PHLPP1: variants seen among roughly 807,000 people sequenced by gnomAD.
PHLPP1 encodes PH domain leucine-rich repeat-containing protein phosphatase 1.
A neutral mutation model predicts 117.2 loss-of-function variants in PHLPP1; 42 were observed. The observed-to-expected ratio is 0.36, with a 90% CI of 0.28 to 0.46. PHLPP1 has a LOEUF of 0.46. Among genes scored for constraint, PHLPP1 ranks in the 20% least tolerant of loss-of-function variants. The pLI, the probability that PHLPP1 is intolerant of heterozygous loss-of-function variation, is 1.00. For synonymous variants in PHLPP1, 1,042 were observed against 970.7 expected (o/e 1.07, Z -1.37); for missense variants, 2,084 against 2,241.9 (o/e 0.93, Z 1.42).
intron 1 of PHLPP1, among the ~76,000 whole-genome samples, chr18:62,764,594 A>G (rs889545651): frequency 3.3e-5 from 5 of 151,916 alleles, no homozygotes; most frequent in Admixed American, 6.6e-5. Flanking sequence ...TCTACTAAAA[A>G]TACAAAAATT....
chr18:62,842,141 T>TG (rs1407818600), intron 3 of PHLPP1, among the ~76,000 whole-genome samples: 1 of 152,232 alleles, frequency 6.6e-6, no homozygotes, highest in East Asian at 1.9e-4. Flanking sequence ...AATTTTATGA[T>TG]GGTCATCCTT....
chr18:62,757,791 C>T (rs375839682), intron 1 of PHLPP1, among the ~76,000 whole-genome samples: 18 of 152,320 alleles, frequency 1.2e-4, no homozygotes, highest in East Asian at 5.8e-4. Context: ...GCTCTTTTTG[C>T]GGCTTGCTCT....
chr18:62,754,418 C>T (rs1911949656), intron 1 of PHLPP1, among the ~76,000 whole-genome samples: 1 of 152,176 alleles, frequency 6.6e-6, no homozygotes, highest in Non-Finnish European at 1.5e-5. Context: ...TTTTTTTCCC[C>T]TCCCAAACTG....
At chr18:62,882,630 C>T (rs1916197583) in intron 4 of PHLPP1, among the ~76,000 whole-genome samples, 2 of 152,094 alleles carry the variant, frequency 1.3e-5, no homozygotes, top group African/African-American at 4.8e-5. Flanking sequence ...TGATACACTT[C>T]CCAAGATTAT....
intron 4 of PHLPP1, among the ~76,000 whole-genome samples, chr18:62,879,256 C>T (rs1370991450): frequency 1.3e-5 from 2 of 152,220 alleles, no homozygotes; most frequent in East Asian, 3.8e-4. Flanking sequence ...TGTGAGTTTG[C>T]TCTCTTGCTC....
chr18:62,771,501 C>T (rs1306624100), intron 1 of PHLPP1, among the ~76,000 whole-genome samples: 1 of 152,132 alleles, frequency 6.6e-6, no homozygotes, highest in Non-Finnish European at 1.5e-5. Flanking sequence ...TGAACAATGG[C>T]AGGTTTTTAG....
chr18:62,825,150 G>T (rs1294407631), intron 1 of PHLPP1, among the ~76,000 whole-genome samples: 1 of 151,648 alleles, frequency 6.6e-6, no homozygotes, highest in African/African-American at 2.4e-5. Flanking sequence ...GTAGAGACGG[G>T]GTTTCGCCAT....
At chr18:62,784,008 A>T (rs186525238) in intron 1 of PHLPP1, among the ~76,000 whole-genome samples, 3 of 151,588 alleles carry the variant, frequency 2.0e-5, no homozygotes, top group African/African-American at 4.8e-5. Flanking sequence ...TACAGCTCAG[A>T]GCACTTGTAA....
chr18:62,864,303 T>C (rs537017570), intron 4 of PHLPP1, among the ~76,000 whole-genome samples: 1 of 152,350 alleles, frequency 6.6e-6, no homozygotes, highest in South Asian at 2.1e-4. Flanking sequence ...ATTACAGACG[T>C]GAGCTACTGC....
At position 62,905,733 on chromosome 18, in the gene PHLPP1, C is replaced by T. The variant is rs118048185; in HGVS notation, c.2708+449C>T. On this transcript the variant is annotated intron_variant, in intron 8 of 16. Coordinates refer to ENST00000262719, the MANE Select transcript of PHLPP1 (RefSeq NM_194449.4). ...CCCCTTGTTTAGACATATATCTCTTCGCTAAAAATTCTTAGGAAATAATGA... is the reference window on the plus strand; with the variant it reads ...CCCCTTGTTTAGACATATATCTCTTTGCTAAAAATTCTTAGGAAATAATGA... 2.0e-3 allele frequency among the ~76,000 whole-genome samples: 307 copies of T among 152,172 alleles called. 4 individuals are homozygous for T. The highest frequency in any genetic ancestry group is 2.3e-3 in the Non-Finnish European group (157 of 67,988).
At chr18:62,808,565 T>TTTTTTTTTTTTTTA (rs747889895) in intron 1 of PHLPP1, among the ~76,000 whole-genome samples, 3 of 150,916 alleles carry the variant, frequency 2.0e-5, no homozygotes, top group South Asian at 2.1e-4. Flanking sequence ...TTGTTTTTTT[T>TTTTTTTTTTTTTTA]TTTTGAGACG....
rs767341458 is a variant in PHLPP1 at position 62,975,379 on chromosome 18, C to T, written c.3756-18C>T. The T allele has an allele frequency of 7.6e-6, 12 of 1,573,562 alleles. No homozygotes were observed. Among genetic ancestry groups the T allele is most frequent in the African/African-American group, 5.4e-5 (4 of 74,134 alleles). On this transcript the variant is annotated intron_variant, in intron 15 of 16. Transcript: ENST00000262719. ...GATGGGCTGTGTTTGAGTGTCACCCCCTCTCTTCGGATTCCAGGAAACTTG... is the reference window on the plus strand; with the variant it reads ...GATGGGCTGTGTTTGAGTGTCACCCTCTCTCTTCGGATTCCAGGAAACTTG...
intron 1 of PHLPP1, among the ~76,000 whole-genome samples, chr18:62,826,716 A>T (rs1914622259): frequency 6.6e-6 from 1 of 152,142 alleles, no homozygotes; most frequent in South Asian, 2.1e-4. Flanking sequence ...CAAGATCCAG[A>T]GGCCATCCGG....
At position 62,920,028 on chromosome 18, in the gene PHLPP1, G is replaced by A. The variant is rs769810073; in HGVS notation, c.2874G>A (p.Arg958=). 1.9e-6 allele frequency: 3 copies of A among 1,612,394 alleles called. No individual in the cohort carries two copies. The highest frequency in any genetic ancestry group is 2.5e-6 in the Non-Finnish European group (3 of 1,179,232). ...ACCAGTTGGCAAGGCTGCCTGAAAGGCTAGAAAGAACCTCGGTGGAGGTCT... is the reference window on the plus strand; with the variant it reads ...ACCAGTTGGCAAGGCTGCCTGAAAGACTAGAAAGAACCTCGGTGGAGGTCT... ...GHNQLARLPE[R]LERTSVEVLD... Residue 958 remains arginine, a synonymous_variant, in exon 10 of 17, where the codon AGG becomes AGA. Transcript: ENST00000262719.
chr18:62,975,256 G>A (rs1911154852), intron 15 of PHLPP1, 141 bp from the exon 16 acceptor site: 2 of 636,788 alleles, frequency 3.1e-6, no homozygotes, highest in African/African-American at 1.8e-5. Context: ...AGAGCAGTGT[G>A]TGCTTTGATG....
At chr18:62,776,851 A>G (rs1320700508) in intron 1 of PHLPP1, among the ~76,000 whole-genome samples, 2 of 152,086 alleles carry the variant, frequency 1.3e-5, no homozygotes, top group African/African-American at 4.8e-5. Flanking sequence ...CTTGTGATCC[A>G]CCTGCCTCCG....
At chr18:62,889,418 A>G (rs1292050393) in intron 4 of PHLPP1, 1 of 152,256 alleles carries the variant, frequency 6.6e-6, no homozygotes, top group East Asian at 1.9e-4. Flanking sequence ...AAAATATGTT[A>G]TCTCCCTCTA....
Position 62,766,102 on chromosome 18 carries a change from TAAA to T in PHLPP1, c.1576+48845_1576+48847del, listed in dbSNP as rs1204266155. Among the ~76,000 whole-genome samples, 224 of 60,528 alleles carry T rather than the reference TAAA, an allele frequency of 3.7e-3. 6 individuals are homozygous for T. Among genetic ancestry groups the T allele is most frequent in the Non-Finnish European group, 5.8e-3 (165 of 28,570 alleles). 39.7% of individuals were successfully genotyped at this position (60,528 alleles called of 152,430 possible). ...ATATATATATATATATATATATATA[TAAA>T]ATATATATATATTTGTACAGAAAAG... On this transcript the variant is annotated intron_variant, in intron 1 of 16. Transcript: ENST00000262719.
chr18:62,872,133 T>G (rs924772153), intron 4 of PHLPP1, among the ~76,000 whole-genome samples: 14 of 152,170 alleles, frequency 9.2e-5, no homozygotes, highest in African/African-American at 3.1e-4. Flanking sequence ...GATTTTTACA[T>G]GTGCATAGGA....
Sources: allele counts gnomAD v4.1 joint callset (sites outside exome capture counted in the v4.1 genomes callset), GRCh38; gene constraint gnomAD v4.1.1; transcripts MANE v1.5; gene names NCBI Gene and HGNC (gene_info 2026-07-23, HGNC 2026-07-21).